The following FAT1 variants were observed in gnomAD, a reference collection of about 807,000 sequenced individuals.
FAT1 encodes the protein protocadherin Fat 1.
A neutral mutation model predicts 329.8 loss-of-function variants in FAT1; 171 were observed. The ratio of observed to expected loss-of-function variants is 0.52; its 90% CI spans 0.46 to 0.59. The LOEUF (loss-of-function observed/expected upper bound fraction) is 0.59, where lower values mean the gene tolerates loss of function less well. Ranked by LOEUF, FAT1 falls within the 20% of genes least tolerant of loss-of-function variation. The pLI, the probability that FAT1 is intolerant of heterozygous loss-of-function variation, is 0.00. For missense variants in FAT1, 5,672 were observed against 5,774.4 expected (o/e 0.98, Z 0.57); for synonymous variants, 2,233 against 2,228.6 (o/e 1.00, Z -0.06).
intron 2 of FAT1, among the ~76,000 whole-genome samples, chr4:186,676,129 A>G (rs1244893615): frequency 6.6e-6 from 1 of 152,178 alleles, no homozygotes; most frequent in Non-Finnish European, 1.5e-5. Context: ...ACAACTAGGT[A>G]CTTTAATAAT....
chr4:186,598,045 G>A lies in FAT1; in HGVS notation c.12184C>T (p.Leu4062Phe). ...TCGACAACACACGTGCCCCCATAGA[G>A]GCATGGCTTGGAGGAACACGGATTG... Reference protein sequence around the residue: ...SVNPCSSKPCLYGGTCVVDNG... With the variant: ...SVNPCSSKPCFYGGTCVVDNG... The change falls in exon 23 of 27, where the codon CTC (leucine) becomes TTC (phenylalanine). Residue 4062 changes from leucine to phenylalanine, a missense_variant. Physicochemically the swap from Leu to Phe is conservative, Grantham distance 22. Coordinates refer to ENST00000441802, the MANE Select transcript of FAT1 (RefSeq NM_005245.4). 1 of 1,613,876 alleles carries A rather than the reference G, an allele frequency of 6.2e-7. No homozygotes were observed. The highest frequency in any genetic ancestry group is 8.5e-7 in the Non-Finnish European group (1 of 1,179,838).
intron 2 of FAT1, among the ~76,000 whole-genome samples, chr4:186,682,863 A>G (rs984057923): frequency 3.9e-5 from 6 of 152,168 alleles, no homozygotes; most frequent in African/African-American, 1.4e-4. Context: ...CTGGGATAAA[A>G]CCTAGCGATG....
intron 2 of FAT1, among the ~76,000 whole-genome samples, chr4:186,686,140 A>T (rs904397247): frequency 9.9e-5 from 15 of 152,154 alleles, no homozygotes; most frequent in African/African-American, 3.4e-4. Context: ...CTTCCAGATG[A>T]TTAAAGATGC....
intron 2 of FAT1, among the ~76,000 whole-genome samples, chr4:186,667,033 T>TG (rs1238299742): frequency 7.2e-5 from 11 of 152,234 alleles, no homozygotes; most frequent in Admixed American, 7.2e-4. Flanking sequence ...CTGTTCTACA[T>TG]GTCAGTATTC....
At chr4:186,658,238 C>A (rs540647128) in intron 3 of FAT1, among the ~76,000 whole-genome samples, 2 of 152,316 alleles carry the variant, frequency 1.3e-5, no homozygotes, top group South Asian at 2.1e-4. Context: ...CCACTGCCCC[C>A]CTACTTGCAA....
At position 186,708,413 on chromosome 4, in the gene FAT1, A is replaced by G; in HGVS notation, c.1415T>C (p.Phe472Ser). ...EFTQTAYKAAFDENVPIGTTV... is the reference protein window; with the variant it reads ...EFTQTAYKAASDENVPIGTTV... ...AGTACCAATGGGCACGTTCTCATCA[A>G]AAGCAGCTTTGTACGCTGTCTGGGT... Residue 472 changes from phenylalanine (F) to serine (S), a missense_variant, in exon 2 of 27, where the codon TTT (phenylalanine) becomes TCT (serine). This residue lies in a region of FAT1 where 3,966 missense variants were observed against 3,915.2 expected (regional missense o/e 1.01). Coordinates refer to ENST00000441802, the MANE Select transcript of FAT1 (RefSeq NM_005245.4). 1 of 1,613,988 alleles carries G rather than the reference A, an allele frequency of 6.2e-7. No homozygotes were observed. Among genetic ancestry groups the G allele is most frequent in the South Asian group, 1.1e-5 (1 of 91,078 alleles).
rs2126700505 is a variant in FAT1, at chr4:186,708,974, G to T, written c.854C>A (p.Ala285Asp). 1 of 1,613,998 alleles carries T rather than the reference G, an allele frequency of 6.2e-7. No homozygotes were observed. Among genetic ancestry groups the T allele is most frequent in the Non-Finnish European group, 8.5e-7 (1 of 1,179,892 alleles). ...GCTTAAAGATGCTATGTCACCATTG[G>T]CACCCTGATCGCAGTCATCCACTGT... ...IVTVDDCDQGANGDIASLSIV... is the reference protein window; with the variant it reads ...IVTVDDCDQGDNGDIASLSIV... Residue 285 changes from alanine to aspartate, a missense_variant, in exon 2 of 27, where the codon GCC (alanine) becomes GAC (aspartate). By Grantham distance (126) the Ala-to-Asp change is moderately radical (BLOSUM62 -2). Around this residue, in one of 2 missense-constraint regions of FAT1, gnomAD observed 3,966 missense variants for 3,915.2 expected, o/e 1.01. Coordinates refer to ENST00000441802, the MANE Select transcript of FAT1 (RefSeq NM_005245.4).
rs2126503622 is a variant in FAT1 at position 186,619,246 on chromosome 4, A to G, written c.7340T>C (p.Ile2447Thr). 1 of 1,614,024 alleles carries G rather than the reference A, an allele frequency of 6.2e-7. No homozygotes were observed. Among genetic ancestry groups the G allele is most frequent in the African/African-American group, 1.3e-5 (1 of 75,048 alleles). The part of the protein sequence containing the change: ...HFVIDSATGI[I>T]TLSNLHRHAL... ...GTGCCGGTGCAGGTTTGAGAGGGTG[A>G]TAATCCCTGTTGCACTGTCAATGAC... is the stretch of plus-strand genomic sequence containing the variant. The change falls in exon 10 of 27, where the codon ATC (isoleucine) becomes ACC (threonine). Residue 2447 changes from isoleucine (I) to threonine (T), a missense_variant. Transcript: ENST00000441802.
intron 2 of FAT1, among the ~76,000 whole-genome samples, chr4:186,702,397 T>C (rs1015446702): frequency 6.6e-6 from 1 of 152,156 alleles, no homozygotes; most frequent in East Asian, 1.9e-4. Flanking sequence ...CCCAAATAAG[T>C]AGAGTCAGAA....
At position 186,609,163 on chromosome 4, in the gene FAT1, A is replaced by C; in HGVS notation, c.10206+20T>G. 1 of 1,609,514 alleles carries C rather than the reference A, an allele frequency of 6.2e-7. No homozygotes were observed. Reference sequence around the variant, plus strand: ...GATGTGGTGATTTGTAAACAACGTAAATCAACCTTTTTCACTTACCGTTTC... The same window carrying C: ...GATGTGGTGATTTGTAAACAACGTACATCAACCTTTTTCACTTACCGTTTC... On this transcript the variant is annotated intron_variant, in intron 16 of 26. Transcript: ENST00000441802.
At chr4:186,611,311 C>A in intron 14 of FAT1, 75 bp downstream of exon 14, 2 of 1,388,872 alleles carry the variant, frequency 1.4e-6, no homozygotes, top group Middle Eastern at 2.3e-4. Context: ...TCACTTAATA[C>A]AAGGCAACGT....
At position 186,618,275 on chromosome 4, in the gene FAT1, T is replaced by C. The variant is rs1243102902; in HGVS notation, c.8311A>G (p.Thr2771Ala). 1.9e-6 allele frequency: 3 copies of C among 1,614,050 alleles called. No individual in the cohort carries two copies. In the Admixed American group the frequency reaches 5.0e-5, roughly 27 times the overall value. Residue 2771 changes from threonine (T) to alanine (A), a missense_variant, in exon 10 of 27, where the codon ACT becomes GCT. This residue lies in a region of FAT1 where 3,966 missense variants were observed against 3,915.2 expected (regional missense o/e 1.01). Coordinates refer to ENST00000441802, the MANE Select transcript of FAT1 (RefSeq NM_005245.4). ...AGTATGGAAAACTGATACCACTTAG[T>C]TGTCTCATGATCAAGACTCTTCTCC... Reference protein sequence around the residue: ...KLEKSLDHETTKWYQFSILAR... With the variant: ...KLEKSLDHETAKWYQFSILAR...
intron 1 of FAT1, among the ~76,000 whole-genome samples, chr4:186,719,812 C>T (rs1369897154): frequency 6.6e-6 from 1 of 152,232 alleles, no homozygotes; most frequent in Non-Finnish European, 1.5e-5. Context: ...CTTTGCATTT[C>T]TGCTGCTACC....
chr4:186,613,795 T>C (rs2126477716), intron 12 of FAT1, among the ~76,000 whole-genome samples: 1 of 152,336 alleles, frequency 6.6e-6, no homozygotes, highest in Admixed American at 6.5e-5. Flanking sequence ...ATAAATCATT[T>C]TGTTTATGAA....
intron 2 of FAT1, among the ~76,000 whole-genome samples, chr4:186,692,846 C>T (rs569116664): frequency 7.2e-5 from 11 of 152,240 alleles, no homozygotes; most frequent in South Asian, 2.1e-4. Context: ...GAAAAACGAA[C>T]ATCTGCAGGC....
intron 2 of FAT1, among the ~76,000 whole-genome samples, chr4:186,694,075 T>C (rs1157555651): frequency 2.0e-5 from 3 of 150,760 alleles, no homozygotes; most frequent in Non-Finnish European, 3.0e-5. Context: ...CTGCCTCTCA[T>C]CTAACCCATC....
In FAT1 at chr4:186,618,248, C is replaced by G. The variant is rs1579327866; in HGVS notation, c.8338G>C (p.Ala2780Pro). ...TTKWYQFSIL[A>P]RCTQDDHEMV... ...TCATGGTCATCTTGAGTGCACCTGGCCAGTATGGAAAACTGATACCACTTA... is the reference window on the plus strand; with the variant it reads ...TCATGGTCATCTTGAGTGCACCTGGGCAGTATGGAAAACTGATACCACTTA... The change falls in exon 10 of 27, where the codon GCC becomes CCC. Residue 2780 changes from alanine to proline, a missense_variant. By Grantham distance (27) the Ala-to-Pro change is conservative (BLOSUM62 -1). Transcript: ENST00000441802. 6.2e-7 allele frequency: 1 copy of G among 1,614,018 alleles called. No homozygotes were observed. Among genetic ancestry groups the G allele is most frequent in the Non-Finnish European group, 8.5e-7 (1 of 1,179,900 alleles).
At chr4:186,645,277 C>A (rs935768505) in intron 3 of FAT1, among the ~76,000 whole-genome samples, 4 of 149,176 alleles carry the variant, frequency 2.7e-5, no homozygotes, top group African/African-American at 9.8e-5. Context: ...CCCAGCAGAA[C>A]CCTAAACTAA....
chr4:186,605,342 T>G (rs1247656956), intron 17 of FAT1, among the ~76,000 whole-genome samples: 55 of 66,344 alleles, frequency 8.3e-4, no homozygotes, highest in African/African-American at 1.2e-3. Context: ...GGAGGAGGGG[T>G]GATGAGGAGG....
Sources: gnomAD v4.1 joint callset for allele counts (sites outside exome capture counted in the v4.1 genomes callset) on GRCh38, gnomAD v4.1.1 for gene constraint, gnomAD v4.1.1 regional missense constraint, MANE v1.5 for transcripts, NCBI Gene and HGNC (gene_info 2026-07-23, HGNC 2026-07-21) for gene names.